KCNT2: variants seen among roughly 807,000 people sequenced by gnomAD.
KCNT2 encodes the protein potassium sodium-activated channel subfamily T member 2.
In KCNT2, 67 loss-of-function variants were observed where a neutral mutation model predicts 153.8. The observed-to-expected ratio is 0.44, with a 90% CI of 0.36 to 0.53. The LOEUF is 0.53. Among genes scored for constraint, KCNT2 ranks in the 20% least tolerant of loss-of-function variants. The pLI is 0.00. For synonymous variants in KCNT2, 500 were observed against 458.8 expected (o/e 1.09, Z -1.15); for missense variants, 975 against 1,354.8 (o/e 0.72, Z 4.40).
At position 196,551,176 on chromosome 1, in the gene KCNT2, T is replaced by C. The variant is rs1466591730; in HGVS notation, c.95+57039A>G. ...TGATGATGATTAACTCATGCTTAGATATCCTCTGGGATCATTAAATATGTC... is the reference window on the plus strand; with the variant it reads ...TGATGATGATTAACTCATGCTTAGACATCCTCTGGGATCATTAAATATGTC... On this transcript the variant is annotated intron_variant, in intron 1 of 27. Coordinates refer to ENST00000294725, the MANE Select transcript of KCNT2 (RefSeq NM_198503.5). Among the ~76,000 whole-genome samples, 4 of 151,990 alleles carry C rather than the reference T, an allele frequency of 2.6e-5. No homozygotes were observed. The East Asian group carries it at 7.8e-4, about 29-fold the overall frequency.
At chr1:196,327,933 G>A (rs554347911) in intron 18 of KCNT2, among the ~76,000 whole-genome samples, 12 of 151,562 alleles carry the variant, frequency 7.9e-5, no homozygotes, top group Admixed American at 1.3e-4. Context: ...CACCATGCTC[G>A]GACACCTCTG....
intron 13 of KCNT2, among the ~76,000 whole-genome samples, chr1:196,385,481 T>C (rs1669890862): frequency 6.6e-6 from 1 of 152,086 alleles, no homozygotes; most frequent in Admixed American, 6.6e-5. Context: ...CATGACTGCA[T>C]ATAAAAAGCC....
chr1:196,597,015 A>G (rs1356156655), intron 1 of KCNT2, among the ~76,000 whole-genome samples: 2 of 152,172 alleles, frequency 1.3e-5, no homozygotes, highest in Non-Finnish European at 2.9e-5. Context: ...AAGTCTTAAT[A>G]GAACATTAAA....
At chr1:196,247,490 C>T (rs528862702) in intron 26 of KCNT2, among the ~76,000 whole-genome samples, 52 of 152,268 alleles carry the variant, frequency 3.4e-4, no homozygotes, top group Admixed American at 2.6e-3. Flanking sequence ...TATGAAGAAC[C>T]GCCTGAGACT....
intron 8 of KCNT2, among the ~76,000 whole-genome samples, chr1:196,452,371 A>G (rs1676291094): frequency 6.6e-6 from 1 of 151,940 alleles, no homozygotes; most frequent in African/African-American, 2.4e-5. Flanking sequence ...AGTCACCATC[A>G]AAGTCTAAAA....
chr1:196,526,345 C>T (rs1340812956), intron 1 of KCNT2, among the ~76,000 whole-genome samples: 1 of 150,522 alleles, frequency 6.6e-6, no homozygotes, highest in Non-Finnish European at 1.5e-5. Context: ...ATACACAGTC[C>T]ATTCAAATGT....
chr1:196,523,140 A>G (rs562496536), intron 1 of KCNT2, among the ~76,000 whole-genome samples: 2 of 152,300 alleles, frequency 1.3e-5, no homozygotes, highest in Admixed American at 6.5e-5. Flanking sequence ...CACCAGGAGG[A>G]ACAAACAACT....
At chr1:196,418,454 A>G (rs1478159870) in intron 12 of KCNT2, among the ~76,000 whole-genome samples, 2 of 152,136 alleles carry the variant, frequency 1.3e-5, no homozygotes, top group African/African-American at 4.8e-5. Context: ...CAAGAAAAGC[A>G]AAACTCAAGT....
intron 1 of KCNT2, among the ~76,000 whole-genome samples, chr1:196,523,634 G>GGCA (rs1558038870): frequency 6.6e-6 from 1 of 152,116 alleles, no homozygotes; most frequent in East Asian, 1.9e-4. Context: ...AGAGAGTCTA[G>GGCA]ACCAGAATTT....
chr1:196,415,134 A>G (rs1215803652), intron 12 of KCNT2, among the ~76,000 whole-genome samples: 1 of 151,928 alleles, frequency 6.6e-6, no homozygotes, highest in African/African-American at 2.4e-5. Flanking sequence ...GCTCTCATGT[A>G]TTCACCATAC....
chr1:196,472,589 T>C (rs1678191965), intron 5 of KCNT2, among the ~76,000 whole-genome samples: 1 of 152,184 alleles, frequency 6.6e-6, no homozygotes, highest in Non-Finnish European at 1.5e-5. Flanking sequence ...AATCCACTGA[T>C]TCACATCAGC....
intron 14 of KCNT2, among the ~76,000 whole-genome samples, chr1:196,368,926 A>C (rs1668267617): frequency 6.6e-6 from 1 of 152,044 alleles, no homozygotes; most frequent in South Asian, 2.1e-4. Flanking sequence ...TATGTACTTC[A>C]TTATTTTCTA....
intron 8 of KCNT2, among the ~76,000 whole-genome samples, chr1:196,449,520 G>A (rs908301940): frequency 2.0e-5 from 3 of 151,718 alleles, no homozygotes; most frequent in African/African-American, 7.2e-5. Flanking sequence ...ATTAACCTGG[G>A]TAGGAGATAT....
chr1:196,253,400 G>A (rs934920093), intron 26 of KCNT2, among the ~76,000 whole-genome samples: 1 of 151,084 alleles, frequency 6.6e-6, no homozygotes, highest in Admixed American at 6.6e-5. Flanking sequence ...TGTTCAATTT[G>A]GTCTCTTCTA....
At chr1:196,391,962 G>A (rs768517787) in intron 13 of KCNT2, among the ~76,000 whole-genome samples, 1 of 151,252 alleles carries the variant, frequency 6.6e-6, no homozygotes, top group Non-Finnish European at 1.5e-5. Context: ...GAAAATCTGA[G>A]GGACAATTGA....
chr1:196,475,965 G>A (rs1423907541), intron 5 of KCNT2, among the ~76,000 whole-genome samples: 2 of 152,074 alleles, frequency 1.3e-5, no homozygotes, highest in Non-Finnish European at 2.9e-5. Context: ...CTGCATGCTA[G>A]GTCTTACAAT....
At chr1:196,451,952 G>T (rs1222178336) in intron 8 of KCNT2, among the ~76,000 whole-genome samples, 2 of 151,714 alleles carry the variant, frequency 1.3e-5, no homozygotes, top group African/African-American at 4.8e-5. Flanking sequence ...TCCTAGGTTT[G>T]CTCAGATAAT....
At chr1:196,260,438 A>ATTAG (rs1368900747) in intron 25 of KCNT2, among the ~76,000 whole-genome samples, 1 of 151,870 alleles carries the variant, frequency 6.6e-6, no homozygotes, top group Non-Finnish European at 1.5e-5. Flanking sequence ...CTATGTATAC[A>ATTAG]TTAGTTAAGC....
At chr1:196,268,251 C>A (rs1657732049) in intron 25 of KCNT2, among the ~76,000 whole-genome samples, 1 of 152,108 alleles carries the variant, frequency 6.6e-6, no homozygotes, top group Admixed American at 6.6e-5. Context: ...GAATCCCTTG[C>A]CTCATACATA....
Sources: allele counts gnomAD v4.1 joint callset (sites outside exome capture counted in the v4.1 genomes callset), GRCh38; gene constraint gnomAD v4.1.1; transcripts MANE v1.5; gene names NCBI Gene and HGNC (gene_info 2026-07-23, HGNC 2026-07-21).